Variants in FAM184A observed in about 807,000 individuals in gnomAD.
FAM184A encodes the protein family with sequence similarity 184 member A.
FAM184A carries 99 observed loss-of-function variants against 143.8 expected under a neutral mutation model. The ratio of observed to expected loss-of-function variants is 0.69; its 90% CI spans 0.58 to 0.81. The LOEUF (loss-of-function observed/expected upper bound fraction) is 0.81, where lower values mean the gene tolerates loss of function less well. Ranked by LOEUF, FAM184A falls within the 40% of genes least tolerant of loss-of-function variation. The pLI, the probability that FAM184A is intolerant of heterozygous loss-of-function variation, is 0.00. For missense variants in FAM184A, 1,217 were observed against 1,310.5 expected, an observed-to-expected ratio of 0.93 and a Z score of 1.10; for synonymous variants, 427 against 446.4, an observed-to-expected ratio of 0.96 and a Z score of 0.55.
intron 1 of FAM184A, among the ~76,000 whole-genome samples, chr6:119,054,958 G>A (rs572016294): frequency 2.0e-5 from 3 of 151,966 alleles, no homozygotes; most frequent in Middle Eastern, 3.4e-3. Context: ...TAAGCACATT[G>A]ACAAAGTTGT....
At chr6:119,122,530 A>C (rs671551) in intron 1 of FAM184A, among the ~76,000 whole-genome samples, 59,547 of 151,970 alleles carry the variant, frequency 0.39, 12,803 homozygotes, top group African/African-American at 0.58. Context: ...GAGGTCAAAC[A>C]TACATATTCA....
intron 4 of FAM184A, among the ~76,000 whole-genome samples, chr6:119,017,315 G>A (rs528301407): frequency 6.6e-6 from 1 of 152,046 alleles, no homozygotes; most frequent in African/African-American, 2.4e-5. Flanking sequence ...TGGCTAACAC[G>A]GTGAAACCCC....
At chr6:118,971,708 C>T (rs528380479) in intron 14 of FAM184A, among the ~76,000 whole-genome samples, 57 of 152,288 alleles carry the variant, frequency 3.7e-4, no homozygotes, top group African/African-American at 1.2e-3. Context: ...AGCACCAAAG[C>T]GGATTTGTAA....
In FAM184A at chr6:119,142,145, C is replaced by T. The variant is rs190951494; in HGVS notation, c.-202+6933G>A. ...TCCCAGCAAATCTATTTTGTATGCC[C>T]CAGCTTGGAGAATGTTATGCAGGAC... On this transcript the variant is annotated intron_variant, in intron 1 of 16. Transcript: ENST00000352896. Among the ~76,000 whole-genome samples the T allele has an allele frequency of 1.4e-3, 211 of 152,182 alleles. 1 individual carries two copies. The highest frequency in any genetic ancestry group is 5.0e-3 in the African/African-American group (207 of 41,502).
At chr6:118,960,712 T>C in intron 17 of FAM184A, 1 of 901,338 alleles carries the variant, frequency 1.1e-6, no homozygotes. Context: ...GTTTATACTT[T>C]TCTTAATTCT....
chr6:119,111,569 G>C (rs1788935270), intron 1 of FAM184A, among the ~76,000 whole-genome samples: 2 of 152,212 alleles, frequency 1.3e-5, no homozygotes, highest in African/African-American at 4.8e-5. Context: ...TGATTCCGTA[G>C]ACCACAGAAA....
chr6:119,061,701 C>T (rs1452835736), intron 1 of FAM184A, among the ~76,000 whole-genome samples: 8 of 151,714 alleles, frequency 5.3e-5, no homozygotes, highest in Non-Finnish European at 1.2e-4. Flanking sequence ...AGAAGTGTGG[C>T]TGCAGAGAAG....
rs1370530849 is a variant in FAM184A at position 119,024,503 on chromosome 6, T to C, written c.470A>G (p.Glu157Gly). 1.2e-6 allele frequency: 2 copies of C among 1,613,654 alleles called. No individual in the cohort carries two copies. Among genetic ancestry groups the C allele is most frequent in the African/African-American group, 1.3e-5 (1 of 74,938 alleles). Residue 157 changes from glutamate to glycine, a missense_variant, in exon 2 of 18, where the codon GAA (glutamate) becomes GGA (glycine). Physicochemically the swap from Glu to Gly is moderately conservative, Grantham distance 98 (BLOSUM62 -2). Transcript: ENST00000338891. The stretch of plus-strand genomic sequence containing the variant: ...AAATTTCCTTCTAATCTCTTCGACT[T>C]CTCTAGACATGGTCACTATGCGTTG... ...HVQRIVTMSR[E>G]VEEIRRKFEE...
Position 119,023,019 on chromosome 6 carries a change from T to C in FAM184A, c.1076A>G (p.Lys359Arg). The change falls in exon 3 of 18, where the codon AAA (lysine) becomes AGA (arginine). Residue 359 changes from lysine (K) to arginine (R), a missense_variant. Lys to Arg is a conservative substitution (Grantham distance 26, BLOSUM62 2). Coordinates refer to ENST00000338891, the MANE Select transcript of FAM184A (RefSeq NM_024581.6). ...EGEMALLSKHKEVESELAAAR... is the reference protein window; with the variant it reads ...EGEMALLSKHREVESELAAAR... ...AGCTGCTAGCTCACTTTCCACTTCTTTGTGCTTGCTTAATAGGGCCATTTC... is the reference window on the plus strand; with the variant it reads ...AGCTGCTAGCTCACTTTCCACTTCTCTGTGCTTGCTTAATAGGGCCATTTC... 6.2e-7 allele frequency: 1 copy of C among 1,614,210 alleles called. No individual in the cohort carries two copies. Among genetic ancestry groups the C allele is most frequent in the Non-Finnish European group, 8.5e-7 (1 of 1,180,032 alleles).
chr6:118,973,624 A>C (rs987700254), intron 14 of FAM184A, among the ~76,000 whole-genome samples: 1 of 152,166 alleles, frequency 6.6e-6, no homozygotes, highest in South Asian at 2.1e-4. Flanking sequence ...AAGGTGAATA[A>C]ACTACTAGCA....
chr6:119,010,705 C>A (rs1403725250), intron 6 of FAM184A, among the ~76,000 whole-genome samples: 1 of 152,146 alleles, frequency 6.6e-6, no homozygotes, highest in Admixed American at 6.5e-5. Context: ...TTCCATGTTT[C>A]AATTCACAAC....
At chr6:119,091,218 A>G (rs1004608634) in intron 1 of FAM184A, among the ~76,000 whole-genome samples, 2 of 152,186 alleles carry the variant, frequency 1.3e-5, no homozygotes, top group South Asian at 2.1e-4. Context: ...TGCATTTTTT[A>G]AGAATGTTAG....
intron 14 of FAM184A, among the ~76,000 whole-genome samples, chr6:118,972,280 C>T (rs1783719762): frequency 6.6e-6 from 1 of 152,164 alleles, no homozygotes; most frequent in Admixed American, 6.5e-5. Flanking sequence ...AAATTCAGCT[C>T]CTCAGTTATG....
At position 118,970,008 on chromosome 6, in the gene FAM184A, A is replaced by ATATATATATTT; in HGVS notation, c.2916-3057_2916-3056insAAATATATATA. Among the ~76,000 whole-genome samples, 9 of 19,046 alleles carry ATATATATATTT rather than the reference A, an allele frequency of 4.7e-4. 1 individual carries two copies. Among genetic ancestry groups the ATATATATATTT allele is most frequent in the Admixed American group, 7.6e-4 (1 of 1,314 alleles). The allele number at this position is 19,046 out of a possible 152,430, so 12.5% of individuals were successfully genotyped here. On this transcript the variant is annotated intron_variant, in intron 14 of 17. Transcript: ENST00000338891. The stretch of plus-strand genomic sequence containing the variant: ...ATATATATATAATATATATATATAT[A>ATATATATATTT]TTTTTTTTTTTTTGAGATGGAGTTT...
At chr6:119,103,849 C>T (rs13196661) in intron 1 of FAM184A, among the ~76,000 whole-genome samples, 80,771 of 149,544 alleles carry the variant, frequency 0.54, 22,240 homozygotes, top group East Asian at 0.73. Context: ...ATTGCTTGAA[C>T]CCAGGAGGTG....
At chr6:118,974,985 T>C (rs773827514) in intron 13 of FAM184A, 39 bp downstream of exon 13, 2 of 1,497,816 alleles carry the variant, frequency 1.3e-6, no homozygotes, top group East Asian at 2.3e-5. Context: ...GTTTTTCAGA[T>C]GACACTGCAT....
rs978443280 is a variant in FAM184A, at chr6:118,995,211, G to A, written c.2088+7688C>T. Among the ~76,000 whole-genome samples the A allele has an allele frequency of 2.0e-5, 3 of 152,094 alleles. No individual in the cohort carries two copies. In the East Asian group the frequency reaches 5.8e-4, roughly 29 times the overall value. On this transcript the variant is annotated intron_variant, in intron 9 of 17. Transcript: ENST00000338891. ...GGCAGTGGATCGCTTGAGCCCAGGAGTTCGAGACCAGCCTGGGTAACATGG... is the reference window on the plus strand; with the variant it reads ...GGCAGTGGATCGCTTGAGCCCAGGAATTCGAGACCAGCCTGGGTAACATGG...
At chr6:119,054,568 C>G (rs1261948004) in intron 1 of FAM184A, among the ~76,000 whole-genome samples, 1 of 152,160 alleles carries the variant, frequency 6.6e-6, no homozygotes, top group Non-Finnish European at 1.5e-5. Context: ...TTCTATTACA[C>G]TGGGGATTAG....
intron 1 of FAM184A, among the ~76,000 whole-genome samples, chr6:119,076,333 C>G (rs1442840214): frequency 6.6e-6 from 1 of 152,052 alleles, no homozygotes; most frequent in Admixed American, 6.5e-5. Flanking sequence ...AAACACAAAA[C>G]CAGAGAGTCC....
Sources: gnomAD v4.1 joint callset for allele counts (sites outside exome capture counted in the v4.1 genomes callset) on GRCh38, gnomAD v4.1.1 for gene constraint, MANE v1.5 for transcripts, NCBI Gene and HGNC (gene_info 2026-07-23, HGNC 2026-07-21) for gene names.